The following SGCD variants were observed in gnomAD, a reference collection of about 807,000 sequenced individuals.
SGCD encodes sarcoglycan delta.
SGCD carries 18 observed loss-of-function variants against 36.6 expected under a neutral mutation model. The ratio of observed to expected loss-of-function variants is 0.49; its 90% CI spans 0.34 to 0.73. SGCD has a LOEUF of 0.73. Among genes scored for constraint, SGCD ranks in the 30% least tolerant of loss-of-function variants. SGCD has a pLI of 0.01. For synonymous variants in SGCD, 133 were observed against 130.6 expected (o/e 1.02, Z -0.12); for missense variants, 387 against 346.7 (o/e 1.12, Z -0.92).
intron 1 of SGCD, among the ~76,000 whole-genome samples, chr5:156,067,946 G>C (rs889153690): frequency 2.3e-5 from 3 of 128,524 alleles, no homozygotes; most frequent in Non-Finnish European, 4.5e-5. Flanking sequence ...GTTCCTATTC[G>C]GCCATCTTGG....
chr5:156,423,035 A>G (rs180712668), intron 3 of SGCD, among the ~76,000 whole-genome samples: 1 of 150,452 alleles, frequency 6.6e-6, no homozygotes, highest in Admixed American at 6.8e-5. Context: ...TTACTCAGAC[A>G]CAAAACTCAT....
chr5:156,424,669 A>C (rs2127782693), intron 3 of SGCD, among the ~76,000 whole-genome samples: 1 of 152,190 alleles, frequency 6.6e-6, no homozygotes, highest in South Asian at 2.1e-4. Context: ...TCAAGACTTC[A>C]CATTCAGTAA....
At chr5:156,311,352 C>A (rs576178846) in intron 3 of SGCD, among the ~76,000 whole-genome samples, 1 of 152,240 alleles carries the variant, frequency 6.6e-6, no homozygotes, top group South Asian at 2.1e-4. Context: ...CAGGAGTGGT[C>A]ATTTGATTAG....
intron 4 of SGCD, among the ~76,000 whole-genome samples, chr5:156,520,077 T>C (rs1284127253): frequency 1.3e-5 from 2 of 152,178 alleles, no homozygotes; most frequent in Non-Finnish European, 2.9e-5. Context: ...AGTCAAACTA[T>C]CTTTGTTTGC....
intron 3 of SGCD, among the ~76,000 whole-genome samples, chr5:156,167,746 A>ATT (rs1369178620): frequency 9.8e-5 from 15 of 152,340 alleles, no homozygotes; most frequent in African/African-American, 3.6e-4. Flanking sequence ...AGCCGAGGAA[A>ATT]TAAATGCTTT....
At chr5:156,260,129 A>G (rs1480553934) in intron 3 of SGCD, among the ~76,000 whole-genome samples, 1 of 152,156 alleles carries the variant, frequency 6.6e-6, no homozygotes, top group Non-Finnish European at 1.5e-5. Context: ...TTTTATATGA[A>G]TATCATGTGG....
intron 2 of SGCD, among the ~76,000 whole-genome samples, chr5:156,333,047 G>A (rs1768146214): frequency 6.6e-6 from 1 of 152,124 alleles, no homozygotes; most frequent in Non-Finnish European, 1.5e-5. Flanking sequence ...TATCATACTT[G>A]TTTCTAGAAA....
the SGCD span, among the ~76,000 whole-genome samples, chr5:155,827,432 G>C: frequency 6.6e-6 from 1 of 152,108 alleles, no homozygotes; most frequent in Admixed American, 6.6e-5. Flanking sequence ...TCATGTTCCA[G>C]TGTGGCTGCT....
chr5:156,221,154 A>G (rs896871125), intron 3 of SGCD, among the ~76,000 whole-genome samples: 16 of 152,158 alleles, frequency 1.1e-4, no homozygotes, highest in African/African-American at 3.9e-4. Context: ...TACAGACTGG[A>G]TAACTTGTAA....
At chr5:156,379,906 A>G (rs1000961638) in intron 3 of SGCD, among the ~76,000 whole-genome samples, 1 of 152,204 alleles carries the variant, frequency 6.6e-6, no homozygotes, top group African/African-American at 2.4e-5. Context: ...AAAAAGAAAA[A>G]GCAAAAAATT....
At chr5:156,071,867 C>G (rs1203661886) in intron 1 of SGCD, among the ~76,000 whole-genome samples, 8 of 152,084 alleles carry the variant, frequency 5.3e-5, no homozygotes, top group Non-Finnish European at 1.2e-4. Flanking sequence ...TTGAATTGAT[C>G]CCTTTACCAT....
chr5:155,807,199 A>G, the SGCD span, among the ~76,000 whole-genome samples: 1 of 152,222 alleles, frequency 6.6e-6, no homozygotes, highest in Non-Finnish European at 1.5e-5. Flanking sequence ...CTTGCCTACT[A>G]GTTCTCGTGG....
At chr5:156,187,785 A>G (rs987666932) in intron 3 of SGCD, among the ~76,000 whole-genome samples, 6 of 152,140 alleles carry the variant, frequency 3.9e-5, no homozygotes, top group African/African-American at 1.2e-4. Flanking sequence ...GCCAGAGATG[A>G]TGTAATGAAA....
chr5:155,842,007 TA>T, the SGCD span, among the ~76,000 whole-genome samples: 6 of 152,236 alleles, frequency 3.9e-5, no homozygotes, highest in South Asian at 1.2e-3. Flanking sequence ...AAGGCCACCT[TA>T]ACTTTGTCAC....
chr5:155,842,887 T>A, the SGCD span, among the ~76,000 whole-genome samples: 2 of 152,242 alleles, frequency 1.3e-5, no homozygotes, highest in African/African-American at 4.8e-5. Context: ...ATCATCTCTA[T>A]TCTACTTCTG....
intron 3 of SGCD, among the ~76,000 whole-genome samples, chr5:156,472,341 A>G (rs1755008187): frequency 6.6e-6 from 1 of 152,230 alleles, no homozygotes; most frequent in African/African-American, 2.4e-5. Context: ...ATATTCATCA[A>G]CAGAAGAATG....
intron 3 of SGCD, among the ~76,000 whole-genome samples, chr5:156,148,608 C>G (rs1040172988): frequency 4.6e-5 from 7 of 152,044 alleles, no homozygotes; most frequent in Admixed American, 2.0e-4. Flanking sequence ...TGAGGTCCAG[C>G]TGGTTGTTCT....
At chr5:155,736,539 C>G in the SGCD span, among the ~76,000 whole-genome samples, 1 of 152,078 alleles carries the variant, frequency 6.6e-6, no homozygotes, top group Admixed American at 6.6e-5. Flanking sequence ...TTCTTTAGGC[C>G]TTCAAATAAT....
intron 3 of SGCD, among the ~76,000 whole-genome samples, chr5:156,457,722 C>G (rs1754320649): frequency 6.6e-6 from 1 of 152,186 alleles, no homozygotes; most frequent in Non-Finnish European, 1.5e-5. Context: ...ATAGTAAGGA[C>G]AGAAAAATGT....
Sources: allele counts gnomAD v4.1 joint callset (sites outside exome capture counted in the v4.1 genomes callset), GRCh38; gene constraint gnomAD v4.1.1; transcripts MANE v1.5; gene names NCBI Gene and HGNC (gene_info 2026-07-23, HGNC 2026-07-21).